ATP10B: variants seen among roughly 807,000 people sequenced by gnomAD.
ATP10B encodes the protein phospholipid-transporting ATPase VB.
ATP10B carries 122 observed loss-of-function variants against 141.2 expected under a neutral mutation model. That is an observed-to-expected ratio of 0.86 (90% CI 0.75 to 1.00). The LOEUF is 1.00. Ranked by LOEUF, ATP10B falls within the 50% of genes least tolerant of loss-of-function variation. ATP10B has a pLI of 0.00. For missense variants in ATP10B, 1,876 were observed against 1,825.3 expected (o/e 1.03, Z -0.51); for synonymous variants, 685 against 692.0 (o/e 0.99, Z 0.16).
intron 3 of ATP10B, among the ~76,000 whole-genome samples, chr5:160,699,140 T>C (rs755974335): frequency 1.3e-5 from 2 of 152,186 alleles, no homozygotes; most frequent in Non-Finnish European, 2.9e-5. Flanking sequence ...ATCTCCCAGG[T>C]ATCTTCCTAA....
chr5:160,881,909 A>C, the ATP10B span, among the ~76,000 whole-genome samples: 1 of 152,236 alleles, frequency 6.6e-6, no homozygotes, highest in African/African-American at 2.4e-5. Context: ...ACTGTGGTAC[A>C]TGTACACAAT....
At chr5:160,716,884 C>T (rs1010186978) in intron 3 of ATP10B, 25 bp downstream of exon 3, 86 of 984,662 alleles carry the variant, frequency 8.7e-5, no homozygotes, top group Admixed American at 3.7e-4. Context: ...AGGAAAGAAA[C>T]GGGGAAGCAA....
At chr5:160,644,079 G>T in intron 9 of ATP10B, 59 bp downstream of exon 9, 1 of 1,394,184 alleles carries the variant, frequency 7.2e-7, no homozygotes, top group Non-Finnish European at 1.0e-6. Flanking sequence ...ACTGAAGATG[G>T]ATTTGGAGGG....
At chr5:160,649,390 A>T in intron 7 of ATP10B, 134 bp from the exon 8 acceptor site, 2 of 647,824 alleles carry the variant, frequency 3.1e-6, no homozygotes, top group Non-Finnish European at 5.3e-6. Flanking sequence ...TGATAGTTGT[A>T]ATGTGTCAGA....
intron 1 of ATP10B, among the ~76,000 whole-genome samples, chr5:160,840,481 T>A (rs1437635571): frequency 6.6e-6 from 1 of 152,080 alleles, no homozygotes; most frequent in Non-Finnish European, 1.5e-5. Flanking sequence ...AAATAAATGA[T>A]GTTGGGCAAC....
intron 24 of ATP10B, among the ~76,000 whole-genome samples, chr5:160,584,497 CT>C (rs1474415673): frequency 6.6e-6 from 1 of 152,276 alleles, no homozygotes; most frequent in African/African-American, 2.4e-5. Context: ...CCAGCCACCC[CT>C]GCTCTCATTT....
the ATP10B span, among the ~76,000 whole-genome samples, chr5:160,890,361 A>C: frequency 6.6e-6 from 1 of 152,168 alleles, no homozygotes; most frequent in South Asian, 2.1e-4. Flanking sequence ...GTACATTTTC[A>C]ATGTTGTGAA....
the ATP10B span, among the ~76,000 whole-genome samples, chr5:160,889,255 C>T: frequency 1.3e-5 from 2 of 152,304 alleles, no homozygotes; most frequent in East Asian, 3.9e-4. Context: ...TACCCTTTGA[C>T]ATACGAGGGT....
At chr5:160,662,557 T>A (rs1343097243) in intron 7 of ATP10B, among the ~76,000 whole-genome samples, 3 of 151,280 alleles carry the variant, frequency 2.0e-5, no homozygotes, top group Non-Finnish European at 3.0e-5. Context: ...AGGATTCCCT[T>A]TTTAATAAAT....
Position 160,565,133 on chromosome 5 carries a change from A to G in ATP10B, c.*320T>C, listed in dbSNP as rs1280761042. The G allele has an allele frequency of 6.3e-6, 2 of 319,552 alleles. No individual in the cohort carries two copies. The highest frequency in any genetic ancestry group is 4.6e-5 in the South Asian group (1 of 21,720). The allele number at this position is 319,552 out of a possible 1,614,324, so 19.8% of individuals were successfully genotyped here. On this transcript the variant is annotated 3_prime_UTR_variant, in exon 26 of 26. Coordinates refer to ENST00000327245, the MANE Select transcript of ATP10B (RefSeq NM_025153.3). ...TTGGAAACTTACGGCACTGGGTTGT[A>G]GGCTACGCTTATCTAGAGGGTCAGA...
At chr5:160,621,474 T>C (rs1758346733) in intron 14 of ATP10B, among the ~76,000 whole-genome samples, 1 of 152,148 alleles carries the variant, frequency 6.6e-6, no homozygotes, top group South Asian at 2.1e-4. Flanking sequence ...AATTGGGAGG[T>C]GCCTACTGTC....
chr5:160,625,768 G>A (rs778728085), intron 13 of ATP10B, among the ~76,000 whole-genome samples: 2 of 152,244 alleles, frequency 1.3e-5, no homozygotes, highest in Non-Finnish European at 2.9e-5. Flanking sequence ...TGTCTCTGAT[G>A]TGTCCCTCAT....
intron 9 of ATP10B, among the ~76,000 whole-genome samples, chr5:160,643,227 G>A (rs1274512714): frequency 2.0e-5 from 3 of 152,168 alleles, no homozygotes; most frequent in Admixed American, 6.5e-5. Context: ...TATGGTAGAT[G>A]GATATTTAAA....
chr5:160,671,199 CCAAAA>C (rs1421403460), intron 6 of ATP10B, among the ~76,000 whole-genome samples: 1 of 139,604 alleles, frequency 7.2e-6, no homozygotes, highest in Admixed American at 7.1e-5. Context: ...AAAACCCAAA[CCAAAA>C]CAAAATCTGT....
chr5:160,829,965 C>G (rs1774948931), intron 1 of ATP10B, among the ~76,000 whole-genome samples: 1 of 152,084 alleles, frequency 6.6e-6, no homozygotes, highest in Admixed American at 6.6e-5. Context: ...GCTGATTGCT[C>G]TGACTAGGAC....
chr5:160,664,109 T>C (rs1762162985), intron 7 of ATP10B, among the ~76,000 whole-genome samples: 1 of 152,214 alleles, frequency 6.6e-6, no homozygotes, highest in Non-Finnish European at 1.5e-5. Flanking sequence ...TGCTCAACAT[T>C]TAAGCACTGA....
At chr5:160,794,836 G>A (rs1766249805) in intron 1 of ATP10B, among the ~76,000 whole-genome samples, 1 of 152,090 alleles carries the variant, frequency 6.6e-6, no homozygotes, top group African/African-American at 2.4e-5. Flanking sequence ...CTCTCTCATA[G>A]CACAATGTTT....
chr5:160,909,105 C>A, the ATP10B span, among the ~76,000 whole-genome samples: 1 of 152,178 alleles, frequency 6.6e-6, no homozygotes, highest in Middle Eastern at 3.4e-3. Flanking sequence ...GGGGGTCAGA[C>A]AAAGAAAGGC....
At chr5:160,771,498 C>G (rs879405111) in intron 2 of ATP10B, among the ~76,000 whole-genome samples, 1 of 152,046 alleles carries the variant, frequency 6.6e-6, no homozygotes, top group African/African-American at 2.4e-5. Context: ...TTTATTGTCC[C>G]TTTTATAAAA....
Sources: allele counts gnomAD v4.1 joint callset (sites outside exome capture counted in the v4.1 genomes callset), GRCh38; gene constraint gnomAD v4.1.1; transcripts MANE v1.5; gene names NCBI Gene and HGNC (gene_info 2026-07-23, HGNC 2026-07-21).